Variants in NOMO2 observed in about 807,000 individuals in gnomAD.
NOMO2 encodes NODAL modulator 2, also known as BOS complex subunit NOMO2.
Under a neutral mutation model 67.1 loss-of-function variants are expected in NOMO2, and 14 were observed. The observed-to-expected ratio is 0.21, with a 90% CI of 0.14 to 0.33. The LOEUF (loss-of-function observed/expected upper bound fraction) is 0.33, where lower values mean the gene tolerates loss of function less well. Ranked by LOEUF, NOMO2 falls within the 10% of genes least tolerant of loss-of-function variation. The probability of loss-of-function intolerance (pLI) is 1.00; values close to 1 mark genes in which losing one functional copy is unlikely to be tolerated. For synonymous variants in NOMO2, 80 were observed against 305.9 expected, an observed-to-expected ratio of 0.26 and a Z score of 7.71; for missense variants, 178 against 761.0, an observed-to-expected ratio of 0.23 and a Z score of 9.01.
chr16:18,557,858 C>T (rs1901946031), intron 1 of NOMO2, 67 bp from the exon 2 acceptor site: 1 of 1,585,274 alleles, frequency 6.3e-7, no homozygotes, highest in African/African-American at 1.3e-5. Context: ...ACATGTTACA[C>T]CTGAATGCAC....
At chr16:18,559,177 TA>T (rs1364744426) in intron 1 of NOMO2, among the ~76,000 whole-genome samples, 1 of 151,760 alleles carries the variant, frequency 6.6e-6, no homozygotes, top group African/African-American at 2.4e-5. Context: ...TAAAACAAAA[TA>T]AAATAAGTAA....
At chr16:18,535,551 C>T (rs1187089447) in intron 11 of NOMO2, among the ~76,000 whole-genome samples, 1 of 151,964 alleles carries the variant, frequency 6.6e-6, no homozygotes, top group Non-Finnish European at 1.5e-5. Flanking sequence ...CCTGTAACCT[C>T]AACAGCACAG....
intron 15 of NOMO2, chr16:18,528,036 C>T: frequency 2.1e-6 from 1 of 473,452 alleles, no homozygotes; most frequent in Non-Finnish European, 4.2e-6. Context: ...GCTCGCTGGT[C>T]CCAGGGCACA....
intron 1 of NOMO2, 31 bp from the exon 2 acceptor site, chr16:18,557,822 T>C (rs921745777): frequency 5.8e-6 from 9 of 1,546,414 alleles, no homozygotes; most frequent in African/African-American, 4.1e-5. Flanking sequence ...ACAGAAATCA[T>C]AACATTGCCT....
intron 9 of NOMO2, 93 bp from the exon 10 acceptor site, chr16:18,539,057 T>C: frequency 2.8e-6 from 2 of 715,706 alleles, no homozygotes; most frequent in Non-Finnish European, 5.1e-6. Flanking sequence ...CCACCTACCA[T>C]GTCTGCTCCT....
intron 3 of NOMO2, among the ~76,000 whole-genome samples, chr16:18,552,808 A>G (rs1456157408): frequency 6.6e-6 from 1 of 151,958 alleles, no homozygotes; most frequent in Non-Finnish European, 1.5e-5. Flanking sequence ...TATCAGCTCT[A>G]TGGCTCAGCG....
At chr16:18,540,896 A>ATTC (rs1901535055) in intron 9 of NOMO2, among the ~76,000 whole-genome samples, 1 of 122,324 alleles carries the variant, frequency 8.2e-6, no homozygotes, top group African/African-American at 2.9e-5. Flanking sequence ...TACATTTACC[A>ATTC]TTTATGTGAG....
At chr16:18,553,329 G>A (rs1242343656) in intron 3 of NOMO2, among the ~76,000 whole-genome samples, 1 of 151,406 alleles carries the variant, frequency 6.6e-6, no homozygotes, top group Non-Finnish European at 1.5e-5. Flanking sequence ...TTATATTTAT[G>A]CATCAGAATT....
chr16:18,541,901 G>T (rs1901556494), intron 9 of NOMO2, among the ~76,000 whole-genome samples: 1 of 117,504 alleles, frequency 8.5e-6, no homozygotes, highest in Admixed American at 8.9e-5. Context: ...TGCCTCTTTT[G>T]GTCACTGCTA....
chr16:18,536,322 C>A (rs529267292), intron 11 of NOMO2, among the ~76,000 whole-genome samples: 117 of 152,342 alleles, frequency 7.7e-4, no homozygotes, highest in Admixed American at 6.3e-3. Flanking sequence ...GTCTCTGCAA[C>A]CCAGAGAGCC....
intron 6 of NOMO2, among the ~76,000 whole-genome samples, chr16:18,545,508 C>T (rs369635775): frequency 8.0e-5 from 12 of 150,826 alleles, no homozygotes; most frequent in African/African-American, 2.2e-4. Flanking sequence ...ATTATAAGTG[C>T]GTAAAACCTA....
intron 15 of NOMO2, 170 bp downstream of exon 15, chr16:18,529,331 G>A: frequency 5.8e-6 from 6 of 1,037,106 alleles, no homozygotes; most frequent in Non-Finnish European, 8.7e-6. Flanking sequence ...CTTCCACTGA[G>A]AGAGTATAAA....
intron 2 of NOMO2, among the ~76,000 whole-genome samples, chr16:18,557,449 C>A (rs1181205574): frequency 6.6e-6 from 1 of 151,476 alleles, no homozygotes; most frequent in African/African-American, 2.4e-5. Flanking sequence ...GTGACTGTAG[C>A]GCACAGCCAC....
intron 15 of NOMO2, among the ~76,000 whole-genome samples, chr16:18,528,868 T>C (rs1901214762): frequency 2.1e-5 from 3 of 145,694 alleles, no homozygotes; most frequent in African/African-American, 5.0e-5. Context: ...CTCGGGGGGC[T>C]GAAGCAGGAG....
rs550548864 is a variant in NOMO2, at chr16:18,550,159, T to TA, written c.403-533dup. Among the ~76,000 whole-genome samples the TA allele has an allele frequency of 6.8e-3, 61 of 8,968 alleles. 1 individual carries two copies. The highest frequency in any genetic ancestry group is 0.019 in the East Asian group (14 of 726). 5.9% of individuals were successfully genotyped at this position (8,968 alleles called of 152,430 possible). On this transcript the variant is annotated intron_variant, in intron 4 of 30. Transcript: ENST00000622306. ...TGGGCGACAGAGGGAGACTCCATCTTAAAAAAAAAAAAAAAAAAAAAAAAA... is the reference window on the plus strand; with the variant it reads ...TGGGCGACAGAGGGAGACTCCATCTTAAAAAAAAAAAAAAAAAAAAAAAAAA...
At position 18,556,778 on chromosome 16, in the gene NOMO2, G is replaced by A. The variant is rs1486442573; in HGVS notation, c.255+924C>T. ...CATGTATACATATGCATGTGTACCC[G>A]TGGATACCTGAATAACTATAAATAG... On this transcript the variant is annotated intron_variant, in intron 2 of 30. Coordinates refer to ENST00000622306, the MANE Select transcript of NOMO2 (RefSeq NM_173614.4). Among the ~76,000 whole-genome samples, 19 of 152,008 alleles carry A rather than the reference G, an allele frequency of 1.2e-4. 1 individual carries two copies. The highest frequency in any genetic ancestry group is 2.1e-4 in the South Asian group (1 of 4,816).
chr16:18,530,101 G>A (rs1259601384), intron 14 of NOMO2, among the ~76,000 whole-genome samples: 2 of 112,800 alleles, frequency 1.8e-5, no homozygotes, highest in Non-Finnish European at 3.9e-5. Flanking sequence ...CTGGGTGACA[G>A]AGCGAGGCTA....
At chr16:18,544,450 C>G (rs945225429) in intron 6 of NOMO2, among the ~76,000 whole-genome samples, 1 of 152,116 alleles carries the variant, frequency 6.6e-6, no homozygotes, top group African/African-American at 2.4e-5. Context: ...TAAGTTTGGC[C>G]TAAAGGTTTC....
At chr16:18,555,331 A>ATAG (rs1418944536) in intron 2 of NOMO2, among the ~76,000 whole-genome samples, 2 of 150,280 alleles carry the variant, frequency 1.3e-5, no homozygotes, top group East Asian at 4.0e-4. Flanking sequence ...GGAGTTCAAG[A>ATAG]CCAGCCTAAG....
Sources: gnomAD v4.1 joint callset for allele counts (sites outside exome capture counted in the v4.1 genomes callset) on GRCh38, gnomAD v4.1.1 for gene constraint, MANE v1.5 for transcripts, NCBI Gene and HGNC (gene_info 2026-07-23, HGNC 2026-07-21) for gene names.